The following PTPN9 variants were observed in gnomAD, a reference collection of about 807,000 sequenced individuals.
The protein encoded by PTPN9 is protein tyrosine phosphatase non-receptor type 9.
PTPN9 carries 26 observed loss-of-function variants against 69.8 expected under a neutral mutation model. The observed-to-expected ratio is 0.37, with a 90% CI of 0.27 to 0.52. PTPN9 has a LOEUF of 0.52. Among genes scored for constraint, PTPN9 ranks in the 20% least tolerant of loss-of-function variants. PTPN9 has a pLI of 0.91. For missense variants in PTPN9, 549 were observed against 740.3 expected (o/e 0.74, Z 3.00); for synonymous variants, 274 against 272.5 (o/e 1.01, Z -0.05).
chr15:75,508,917 C>T lies in PTPN9; in HGVS notation c.639G>A (p.Arg213=). 6.2e-7 allele frequency: 1 copy of T among 1,609,074 alleles called. No homozygotes were observed. Among genetic ancestry groups the T allele is most frequent in the South Asian group, 1.1e-5 (1 of 90,866 alleles). ...SLLLKDKVRE[R]IQILKTSEVT... is the part of the protein sequence containing the mutation. The stretch of plus-strand genomic sequence containing the variant: ...ATAAAAAAGGGCAAGCTTGCCTTAC[C>T]CTCTCCCGGACTTTGTCCTTCAGGA... Residue 213 remains arginine, a splice_region_variant and synonymous_variant, in exon 6 of 13, where the codon AGG becomes AGA. Transcript: ENST00000618819.
chr15:75,557,220 T>C (rs1449614498), intron 1 of PTPN9, among the ~76,000 whole-genome samples: 2 of 151,988 alleles, frequency 1.3e-5, no homozygotes, highest in East Asian at 1.9e-4. Context: ...AGGTCAGGAG[T>C]TCGAGACCAG....
intron 1 of PTPN9, among the ~76,000 whole-genome samples, chr15:75,537,778 G>T (rs1330844135): frequency 7.1e-5 from 5 of 70,724 alleles, no homozygotes; most frequent in Non-Finnish European, 1.4e-4. Context: ...AAAAAAAAAG[G>T]CCAGGCGTGG....
chr15:75,510,014 A>T (rs942639491), intron 5 of PTPN9, among the ~76,000 whole-genome samples: 2 of 152,230 alleles, frequency 1.3e-5, no homozygotes, highest in Non-Finnish European at 2.9e-5. Flanking sequence ...ATAAAAATTT[A>T]AAAATTTTAA....
chr15:75,511,722 A>C (rs2074846003), intron 5 of PTPN9, among the ~76,000 whole-genome samples: 1 of 152,212 alleles, frequency 6.6e-6, no homozygotes, highest in African/African-American at 2.4e-5. Flanking sequence ...ACAAAGTCAC[A>C]ATATCCTGGG....
rs1053614355 is a variant in PTPN9 at position 75,497,477 on chromosome 15, G to A, written c.969-7176C>T. Among the ~76,000 whole-genome samples the A allele has an allele frequency of 3.3e-5, 5 of 152,074 alleles. No homozygotes were observed. The South Asian group carries it at 8.3e-4, about 25-fold the overall frequency. ...ACTGCACCTGCACTCCAACCTATGC[G>A]ACAGAGCAAGAACACATGTCTCTCT... On this transcript the variant is annotated intron_variant, in intron 7 of 12. Coordinates refer to ENST00000618819, the MANE Select transcript of PTPN9 (RefSeq NM_002833.4).
At chr15:75,473,666 T>C in intron 10 of PTPN9, 23 bp downstream of exon 10, 2 of 1,526,672 alleles carry the variant, frequency 1.3e-6, no homozygotes, top group Non-Finnish European at 9.1e-7. Flanking sequence ...GTGGAGACCT[T>C]TGGAAAAAAG....
chr15:75,485,404 C>T (rs2074668995), intron 8 of PTPN9, among the ~76,000 whole-genome samples: 1 of 145,224 alleles, frequency 6.9e-6, no homozygotes, highest in South Asian at 2.2e-4. Flanking sequence ...CTCTGTTGCC[C>T]AGGCCGGACT....
rs183317907 is a variant in PTPN9 at position 75,494,258 on chromosome 15, A to G, written c.969-3957T>C. Among the ~76,000 whole-genome samples the G allele has an allele frequency of 3.9e-5, 6 of 152,006 alleles. No individual in the cohort carries two copies. In the East Asian group the frequency reaches 1.2e-3, roughly 29 times the overall value. On this transcript the variant is annotated intron_variant, in intron 7 of 12. Transcript: ENST00000618819. ...ACAGTGTAATAAGAAAAGCCCTAGAACTAAATAACAAACCTTCAGATTAAA... is the reference window on the plus strand; with the variant it reads ...ACAGTGTAATAAGAAAAGCCCTAGAGCTAAATAACAAACCTTCAGATTAAA...
chr15:75,574,656 A>G (rs1179330399), intron 1 of PTPN9, among the ~76,000 whole-genome samples: 5 of 152,046 alleles, frequency 3.3e-5, no homozygotes, highest in Non-Finnish European at 7.4e-5. Flanking sequence ...AATATTTTTA[A>G]GGAGCCAGGC....
At chr15:75,529,987 A>T (rs1213348064) in intron 1 of PTPN9, among the ~76,000 whole-genome samples, 1 of 151,700 alleles carries the variant, frequency 6.6e-6, no homozygotes, top group Non-Finnish European at 1.5e-5. Flanking sequence ...GCAGATCACG[A>T]GGTCAGGAGC....
intron 1 of PTPN9, among the ~76,000 whole-genome samples, chr15:75,567,299 T>G (rs1331676109): frequency 6.6e-6 from 1 of 152,148 alleles, no homozygotes; most frequent in Non-Finnish European, 1.5e-5. Flanking sequence ...ATTACAGGCG[T>G]GAGTCACCGC....
At chr15:75,578,270 CG>C (rs1257760921) in intron 1 of PTPN9, among the ~76,000 whole-genome samples, 1 of 152,160 alleles carries the variant, frequency 6.6e-6, no homozygotes, top group Non-Finnish European at 1.5e-5. Flanking sequence ...GCCCTCTCCT[CG>C]GGAAGGGAGA....
At chr15:75,498,480 C>A (rs546689255) in intron 7 of PTPN9, among the ~76,000 whole-genome samples, 2 of 151,412 alleles carry the variant, frequency 1.3e-5, no homozygotes, top group Non-Finnish European at 2.9e-5. Context: ...TTTGGGAGGC[C>A]GAGGTGAGTG....
At chr15:75,523,964 G>C (rs751691376) in intron 3 of PTPN9, among the ~76,000 whole-genome samples, 1 of 152,006 alleles carries the variant, frequency 6.6e-6, no homozygotes, top group Non-Finnish European at 1.5e-5. Context: ...CAAACAGGGG[G>C]GGATGGAGGA....
chr15:75,503,619 A>G (rs2074790066), intron 7 of PTPN9, among the ~76,000 whole-genome samples: 1 of 130,654 alleles, frequency 7.7e-6, no homozygotes, highest in Non-Finnish European at 1.6e-5. Context: ...CCGCCCGGCC[A>G]GCCGCCCCGT....
At chr15:75,564,365 C>T (rs1377960550) in intron 1 of PTPN9, among the ~76,000 whole-genome samples, 5 of 152,140 alleles carry the variant, frequency 3.3e-5, no homozygotes, top group East Asian at 1.9e-4. Context: ...GAGGCTGAGG[C>T]GGGTAGATCA....
chr15:75,516,093 T>G (rs1044753400), intron 5 of PTPN9, among the ~76,000 whole-genome samples: 1 of 152,060 alleles, frequency 6.6e-6, no homozygotes, highest in Non-Finnish European at 1.5e-5. Flanking sequence ...CTAGAGACCC[T>G]CTTACACATA....
intron 8 of PTPN9, among the ~76,000 whole-genome samples, chr15:75,485,924 C>T (rs1048648695): frequency 6.6e-6 from 1 of 150,840 alleles, no homozygotes; most frequent in African/African-American, 2.4e-5. Context: ...CAAGGTGAAA[C>T]CCCATCTCTA....
At chr15:75,540,559 A>G (rs867994761) in intron 1 of PTPN9, among the ~76,000 whole-genome samples, 67 of 106,736 alleles carry the variant, frequency 6.3e-4, no homozygotes, top group Admixed American at 1.2e-3. Context: ...AAAAAAAAAA[A>G]AAAGAAAGAA....
Sources: gnomAD v4.1 joint callset for allele counts (sites outside exome capture counted in the v4.1 genomes callset) on GRCh38, gnomAD v4.1.1 for gene constraint, MANE v1.5 for transcripts, NCBI Gene and HGNC (gene_info 2026-07-23, HGNC 2026-07-21) for gene names.